The following AACS variants were observed in gnomAD, a reference collection of about 807,000 sequenced individuals.
AACS encodes the protein acetoacetyl-CoA synthetase, also known as acetoacetate-CoA ligase.
AACS carries 69 observed loss-of-function variants against 83.1 expected under a neutral mutation model. That is an observed-to-expected ratio of 0.83 (90% CI 0.68 to 1.01). AACS has a LOEUF of 1.01. Among genes scored for constraint, AACS ranks in the 50% least tolerant of loss-of-function variants. The pLI is 0.00. For missense variants in AACS, 866 were observed against 882.2 expected, an observed-to-expected ratio of 0.98 and a Z score of 0.23; for synonymous variants, 333 against 343.4, an observed-to-expected ratio of 0.97 and a Z score of 0.33.
intron 5 of AACS, among the ~76,000 whole-genome samples, chr12:125,091,733 G>A (rs1387048664): frequency 6.6e-6 from 1 of 152,040 alleles, no homozygotes; most frequent in Non-Finnish European, 1.5e-5. Context: ...CCCACTCCTC[G>A]CCGTGTTCAT....
intron 14 of AACS, among the ~76,000 whole-genome samples, chr12:125,133,334 A>G (rs1957353960): frequency 1.3e-5 from 2 of 152,158 alleles, no homozygotes; most frequent in South Asian, 2.1e-4. Flanking sequence ...CCTTTGGTCC[A>G]TCAGCTTCAT....
chr12:125,140,643 C>T lies in AACS; in HGVS notation c.1882-1449C>T, dbSNP rs905531077. On this transcript the variant is annotated intron_variant, in intron 17 of 17. Transcript: ENST00000316519. This position sits in a 1 kb window ranked among gnomAD's most constrained non-coding sequence, Gnocchi z 5.1. ...AAAAAGGCGCCAGTGATCGAGGACT[C>T]GTCACTGGGCTCTGTTGCTCCTGAA... 8 of 152,006 alleles carry T rather than the reference C, an allele frequency of 5.3e-5. No individual in the cohort carries two copies. Among genetic ancestry groups the T allele is most frequent in the South Asian group, 2.1e-4 (1 of 4,810 alleles). 9.4% of individuals were successfully genotyped at this position (152,006 alleles called of 1,614,324 possible). A position where few individuals can be genotyped will look rare whatever the true frequency, so the allele number is the denominator to read the frequency against.
At chr12:125,103,891 G>C (rs12299619) in intron 7 of AACS, among the ~76,000 whole-genome samples, 4,494 of 147,392 alleles carry the variant, frequency 0.03, 239 homozygotes, top group African/African-American at 0.1. Flanking sequence ...GGGAGGCTGA[G>C]GCAGGAGAAT....
rs372773163 is a variant in AACS at position 125,142,257 on chromosome 12, C to T, written c.*28C>T. The T allele has an allele frequency of 7.8e-5, 126 of 1,611,874 alleles. 1 individual carries two copies. Among genetic ancestry groups the T allele is most frequent in the South Asian group, 4.8e-4 (44 of 91,028 alleles). ...CAGACTGGCTGGCGTGTCACTCAGCCGCACCCGTGTGCACTGTAACTTTTG... is the reference window on the plus strand; with the variant it reads ...CAGACTGGCTGGCGTGTCACTCAGCTGCACCCGTGTGCACTGTAACTTTTG... On this transcript the variant is annotated 3_prime_UTR_variant, in exon 18 of 18. Coordinates refer to ENST00000316519, the MANE Select transcript of AACS (RefSeq NM_023928.5).
At chr12:125,134,655 G>T in intron 15 of AACS, 139 bp from the exon 16 acceptor site, 1 of 848,268 alleles carries the variant, frequency 1.2e-6, no homozygotes. Context: ...GTAGGGCAAG[G>T]AGCTGGGGAG....
chr12:125,096,315 A>T (rs1432152806), intron 5 of AACS, among the ~76,000 whole-genome samples: 1 of 152,202 alleles, frequency 6.6e-6, no homozygotes, highest in Non-Finnish European at 1.5e-5. Flanking sequence ...GGGGCCTGGC[A>T]CATAGTAAGC....
chr12:125,116,361 G>A (rs1290200780), intron 9 of AACS, among the ~76,000 whole-genome samples: 1 of 152,138 alleles, frequency 6.6e-6, no homozygotes, highest in African/African-American at 2.4e-5. Context: ...TTTCTCAGAG[G>A]CATTTCATTT....
chr12:125,135,096 C>T (rs1957383103), intron 16 of AACS, among the ~76,000 whole-genome samples: 1 of 152,072 alleles, frequency 6.6e-6, no homozygotes, highest in Non-Finnish European at 1.5e-5. Context: ...GCTCATCCTC[C>T]CGGTGAGCTC....
intron 4 of AACS, among the ~76,000 whole-genome samples, chr12:125,090,409 T>C (rs1456010426): frequency 6.6e-6 from 1 of 151,062 alleles, no homozygotes; most frequent in Non-Finnish European, 1.5e-5. Flanking sequence ...CATCTACCCA[T>C]TCATCCATCT....
At chr12:125,111,954 G>A (rs751451115) in intron 8 of AACS, among the ~76,000 whole-genome samples, 3 of 152,188 alleles carry the variant, frequency 2.0e-5, no homozygotes, top group Non-Finnish European at 4.4e-5. Context: ...TGAGGCTAAT[G>A]AACCACTGAA....
At chr12:125,120,395 C>A (rs767782585) in intron 10 of AACS, 1 of 152,154 alleles carries the variant, frequency 6.6e-6, no homozygotes, top group Non-Finnish European at 1.5e-5. Flanking sequence ...AAACAGGAGC[C>A]ACTCATGTTT....
At chr12:125,073,753 C>A (rs1955941392) in intron 1 of AACS, 123 bp from the exon 2 acceptor site, 3 of 713,748 alleles carry the variant, frequency 4.2e-6, no homozygotes, top group Non-Finnish European at 7.0e-6. Flanking sequence ...CTCCCCCAGA[C>A]CATTTCTCCT....
intron 5 of AACS, 50 bp from the exon 6 acceptor site, chr12:125,102,629 G>C (rs780457063): frequency 3.2e-6 from 5 of 1,547,884 alleles, no homozygotes; most frequent in Non-Finnish European, 4.5e-6. Context: ...CATGCCTGCT[G>C]GTTTTTGCCT....
intron 5 of AACS, among the ~76,000 whole-genome samples, chr12:125,092,019 A>G (rs1174806136): frequency 6.6e-6 from 1 of 151,892 alleles, no homozygotes; most frequent in Non-Finnish European, 1.5e-5. Context: ...TCCCCAAACC[A>G]CCCCAGGGTG....
At chr12:125,078,820 C>CAA (rs71092270) in intron 3 of AACS, among the ~76,000 whole-genome samples, 626 of 51,884 alleles carry the variant, frequency 0.012, 19 homozygotes, top group Middle Eastern at 0.014. Context: ...GACTCCGTCT[C>CAA]AAAAAAAAAA....
rs1215601362 is a variant in AACS at position 125,140,424 on chromosome 12, A to C, written c.1882-1668A>C. The C allele has an allele frequency of 6.6e-6, 1 of 152,202 alleles. No homozygotes were observed. Among genetic ancestry groups the C allele is most frequent in the Non-Finnish European group, 1.5e-5 (1 of 68,036 alleles). 9.4% of individuals were successfully genotyped at this position (152,202 alleles called of 1,614,324 possible). On this transcript the variant is annotated intron_variant, in intron 17 of 17. Coordinates refer to ENST00000316519, the MANE Select transcript of AACS (RefSeq NM_023928.5). The surrounding 1 kb of genome is among the most constrained non-coding windows in gnomAD (Gnocchi z 5.1). The stretch of plus-strand genomic sequence containing the variant: ...GGCGGTATTAGCTCCCGTGAGCTGC[A>C]CGTGGACCCCTGTGTGAAGCGTAGC...
Position 125,065,460 on chromosome 12 carries a change from T to G in AACS, c.-125T>G. 1.8e-6 allele frequency: 2 copies of G among 1,091,140 alleles called. No individual in the cohort carries two copies. The highest frequency in any genetic ancestry group is 4.3e-5 in the Admixed American group (1 of 23,164). 67.6% of individuals were successfully genotyped at this position (1,091,140 alleles called of 1,614,324 possible). On this transcript the variant is annotated 5_prime_UTR_variant, in exon 1 of 18. Transcript: ENST00000316519. Reference sequence around the variant, plus strand: ...AGTCCCTTGTTCCCCGCCGCCGCCGTCGCTGACCCAGCCCGCCAGGCGCTC... The same window carrying G: ...AGTCCCTTGTTCCCCGCCGCCGCCGGCGCTGACCCAGCCCGCCAGGCGCTC...
intron 1 of AACS, among the ~76,000 whole-genome samples, chr12:125,067,931 T>C (rs531879120): frequency 6.6e-6 from 1 of 152,316 alleles, no homozygotes; most frequent in Admixed American, 6.5e-5. Context: ...ATCTGTAAAA[T>C]GGGCATAACA....
intron 3 of AACS, chr12:125,078,014 T>C (rs1377876847): frequency 2.5e-6 from 1 of 400,000 alleles, no homozygotes; most frequent in Non-Finnish European, 5.0e-6. Flanking sequence ...CCGGCCCCAG[T>C]TGGCAATTTT....
Sources: allele counts gnomAD v4.1 joint callset (sites outside exome capture counted in the v4.1 genomes callset), GRCh38; gene constraint gnomAD v4.1.1; non-coding constraint Gnocchi (gnomAD v3.1); transcripts MANE v1.5; gene names NCBI Gene and HGNC (gene_info 2026-07-23, HGNC 2026-07-21).